CCDC146: variants seen among roughly 807,000 people sequenced by gnomAD.
CCDC146 encodes the protein coiled-coil domain containing 146.
CCDC146 carries 92 observed loss-of-function variants against 119.3 expected under a neutral mutation model. The observed-to-expected ratio is 0.77, with a 90% CI of 0.65 to 0.92. CCDC146 has a LOEUF of 0.92. Among genes scored for constraint, CCDC146 ranks in the 40% least tolerant of loss-of-function variants. The pLI is 0.00. For missense variants in CCDC146, 1,000 were observed against 1,103.0 expected (o/e 0.91, Z 1.32); for synonymous variants, 372 against 371.8 (o/e 1.00, Z -0.01).
At chr7:77,292,627 A>G (rs1054654256) in intron 17 of CCDC146, among the ~76,000 whole-genome samples, 2 of 151,692 alleles carry the variant, frequency 1.3e-5, no homozygotes, top group Non-Finnish European at 2.9e-5. Context: ...AAAAAAAAAA[A>G]AAAAAAAAGA....
chr7:77,162,468 G>A (rs1791276949), intron 1 of CCDC146, among the ~76,000 whole-genome samples: 1 of 151,992 alleles, frequency 6.6e-6, no homozygotes, highest in Non-Finnish European at 1.5e-5. Context: ...TTCATTTCTG[G>A]GCTCTCTATT....
At chr7:77,183,887 G>A (rs1337209962) in intron 2 of CCDC146, among the ~76,000 whole-genome samples, 2 of 152,166 alleles carry the variant, frequency 1.3e-5, no homozygotes, top group African/African-American at 2.4e-5. Context: ...TTTCAAAAGA[G>A]CAAATATACC....
intron 4 of CCDC146, among the ~76,000 whole-genome samples, chr7:77,249,142 C>A (rs907681394): frequency 6.6e-6 from 1 of 152,162 alleles, no homozygotes; most frequent in Non-Finnish European, 1.5e-5. Flanking sequence ...TCTCCTTGCA[C>A]TTCTATCAGT....
chr7:77,276,987 G>T (rs567898190), intron 11 of CCDC146, among the ~76,000 whole-genome samples: 1 of 152,150 alleles, frequency 6.6e-6, no homozygotes, highest in Admixed American at 6.5e-5. Context: ...CATGAGAATC[G>T]CTTGAACCCA....
At chr7:77,241,040 TCGCC>T (rs1792836336) in intron 3 of CCDC146, among the ~76,000 whole-genome samples, 2 of 84,778 alleles carry the variant, frequency 2.4e-5, no homozygotes, top group Non-Finnish European at 5.8e-5. Flanking sequence ...TCTCACTCTG[TCGCC>T]CAGGCGGGAG....
chr7:77,225,642 AG>A (rs1390672568), intron 2 of CCDC146, among the ~76,000 whole-genome samples: 2 of 117,944 alleles, frequency 1.7e-5, no homozygotes, highest in East Asian at 3.8e-4. Context: ...TATGCTAGCC[AG>A]TAAAAAAGAA....
chr7:77,264,656 A>T (rs1055227738), intron 9 of CCDC146, among the ~76,000 whole-genome samples: 12 of 152,194 alleles, frequency 7.9e-5, no homozygotes, highest in Admixed American at 1.3e-4. Flanking sequence ...CTGCCTTTTT[A>T]AATTCTTGTA....
At chr7:77,150,324 A>G (rs1791091659) in intron 1 of CCDC146, among the ~76,000 whole-genome samples, 1 of 152,172 alleles carries the variant, frequency 6.6e-6, no homozygotes. Flanking sequence ...AAGGATTTAT[A>G]TCCAGCATAT....
rs565573801 is a variant in CCDC146 at position 77,137,018 on chromosome 7, A to G, written c.-12+14286A>G. Among the ~76,000 whole-genome samples the G allele has an allele frequency of 1.4e-3, 207 of 152,320 alleles. 11 individuals are homozygous for G. The highest frequency in any genetic ancestry group is 1.0e-3 in the Non-Finnish European group (68 of 68,020). On this transcript the variant is annotated intron_variant, in intron 1 of 18. Coordinates refer to ENST00000285871, the MANE Select transcript of CCDC146 (RefSeq NM_020879.3). ...AGAAAAATCATGTGACCATATCAAT[A>G]GATGCAGAAAAATTATTTGACAAAA...
At chr7:77,172,017 A>C (rs1181785859) in intron 2 of CCDC146, among the ~76,000 whole-genome samples, 2 of 152,220 alleles carry the variant, frequency 1.3e-5, no homozygotes, top group African/African-American at 2.4e-5. Flanking sequence ...TATATCCAAG[A>C]GCTTTCAATA....
chr7:77,196,118 T>A lies in CCDC146; in HGVS notation c.156+28294T>A, dbSNP rs1791863910. The A allele has an allele frequency of 1.7e-6, 1 of 596,598 alleles. No individual in the cohort carries two copies. The highest frequency in any genetic ancestry group is 2.9e-6 in the Non-Finnish European group (1 of 344,254). 37.0% of individuals were successfully genotyped at this position (596,598 alleles called of 1,614,324 possible). On this transcript the variant is annotated intron_variant, in intron 2 of 18. Transcript: ENST00000285871. The surrounding 1 kb of genome is among the most constrained non-coding windows in gnomAD (Gnocchi z 4.2). ...CAACAAAGGACTCCTTTAAAATGCA[T>A]TGTTTTTCAGCTTTATTTCAAATGC...
chr7:77,258,244 C>G (rs911866357), intron 6 of CCDC146: 1 of 152,316 alleles, frequency 6.6e-6, no homozygotes, highest in East Asian at 1.9e-4. Context: ...CCCTCCACCC[C>G]CTGGCTCCCA....
intron 1 of CCDC146, among the ~76,000 whole-genome samples, chr7:77,139,502 C>G (rs374377211): frequency 6.6e-6 from 1 of 152,152 alleles, no homozygotes; most frequent in South Asian, 2.1e-4. Flanking sequence ...TGAACTCTAA[C>G]GTAAACGATG....
chr7:77,197,824 G>T (rs1791903762), intron 2 of CCDC146, among the ~76,000 whole-genome samples: 1 of 151,744 alleles, frequency 6.6e-6, no homozygotes, highest in African/African-American at 2.4e-5. Context: ...TCACATGTTG[G>T]GTTTCTAGAA....
At chr7:77,144,583 T>C (rs1790986085) in intron 1 of CCDC146, among the ~76,000 whole-genome samples, 1 of 151,844 alleles carries the variant, frequency 6.6e-6, no homozygotes, top group African/African-American at 2.4e-5. Flanking sequence ...TATTTTGAGA[T>C]ACATCCCATC....
At chr7:77,142,605 C>A (rs917120255) in intron 1 of CCDC146, among the ~76,000 whole-genome samples, 1 of 151,920 alleles carries the variant, frequency 6.6e-6, no homozygotes, top group Non-Finnish European at 1.5e-5. Context: ...TGATGTTCCC[C>A]TTCCTGTGTC....
At chr7:77,195,025 T>G (rs1433321990) in intron 2 of CCDC146, 1 of 152,196 alleles carries the variant, frequency 6.6e-6, no homozygotes, top group Non-Finnish European at 1.5e-5. Flanking sequence ...TATTTCAAAA[T>G]TCATGTTTTC....
intron 1 of CCDC146, among the ~76,000 whole-genome samples, chr7:77,161,317 G>T (rs1399426954): frequency 1.3e-5 from 2 of 152,014 alleles, no homozygotes; most frequent in East Asian, 1.9e-4. Flanking sequence ...AAATCATGCT[G>T]CTATAAAGAC....
intron 2 of CCDC146, among the ~76,000 whole-genome samples, chr7:77,223,667 G>T (rs1396709772): frequency 6.6e-6 from 1 of 152,228 alleles, no homozygotes; most frequent in Non-Finnish European, 1.5e-5. Context: ...TGCAGTGGAA[G>T]TGAGTGAATA....
Sources: allele counts gnomAD v4.1 joint callset (sites outside exome capture counted in the v4.1 genomes callset), GRCh38; gene constraint gnomAD v4.1.1; non-coding constraint Gnocchi (gnomAD v3.1); transcripts MANE v1.5; gene names NCBI Gene and HGNC (gene_info 2026-07-23, HGNC 2026-07-21).